The following C14orf39 variants were observed in gnomAD, a reference collection of about 807,000 sequenced individuals.
C14orf39 encodes the protein chromosome 14 open reading frame 39.
In C14orf39, 66 loss-of-function variants were observed where a neutral mutation model predicts 85.6. The observed-to-expected ratio is 0.77, with a 90% CI of 0.63 to 0.95. The LOEUF is 0.95. Ranked by LOEUF, C14orf39 falls within the 40% of genes least tolerant of loss-of-function variation. C14orf39 has a pLI of 0.00. For missense variants in C14orf39, 735 were observed against 663.9 expected, an observed-to-expected ratio of 1.11 and a Z score of -1.18; for synonymous variants, 242 against 214.0, an observed-to-expected ratio of 1.13 and a Z score of -1.14.
At chr14:60,452,680 G>T (rs1396843007) in intron 16 of C14orf39, among the ~76,000 whole-genome samples, 1 of 152,072 alleles carries the variant, frequency 6.6e-6, no homozygotes, top group Non-Finnish European at 1.5e-5. Context: ...AAGAATAAAT[G>T]TTTGAGGGGA....
chr14:60,464,737 C>T (rs1891702260), intron 11 of C14orf39, among the ~76,000 whole-genome samples: 2 of 151,882 alleles, frequency 1.3e-5, no homozygotes, highest in African/African-American at 2.4e-5. Context: ...AAGTTGTTTC[C>T]GCTCTTCTGC....
intron 15 of C14orf39, among the ~76,000 whole-genome samples, chr14:60,455,374 A>G (rs1891223407): frequency 6.6e-6 from 1 of 152,058 alleles, no homozygotes; most frequent in African/African-American, 2.4e-5. Context: ...ACCCTATGAA[A>G]TAGGTACTAT....
chr14:60,446,674 A>C (rs953376390), intron 16 of C14orf39, among the ~76,000 whole-genome samples: 3 of 152,208 alleles, frequency 2.0e-5, no homozygotes, highest in Admixed American at 6.5e-5. Context: ...ATAGAATAAA[A>C]GGGAATCCCC....
rs368844761 is a variant in C14orf39, at chr14:60,469,508, T to C, written c.675+25A>G. 9.9e-5 allele frequency: 107 copies of C among 1,085,338 alleles called. No individual in the cohort carries two copies. The African/African-American group carries it at 1.7e-3, about 17-fold the overall frequency. 67.2% of individuals were successfully genotyped at this position (1,085,338 alleles called of 1,614,324 possible). On this transcript the variant is annotated intron_variant, in intron 8 of 17. Coordinates refer to ENST00000321731, the MANE Select transcript of C14orf39 (RefSeq NM_174978.3). ...TATACTTATACATTAATACACATAT[T>C]AGAAATATATAACAAAATATATACC...
At chr14:60,487,856 C>T (rs1326648769), upstream of C14orf39, among the ~76,000 whole-genome samples, 2 of 152,066 alleles carry the variant, frequency 1.3e-5, no homozygotes, top group East Asian at 1.9e-4. Flanking sequence ...ATTTGCATTT[C>T]GCTATGATTA....
Position 60,467,029 on chromosome 14 carries a change from A to G in C14orf39, c.783T>C (p.Asp261=). ...TTTTATTCAATGTAAGTACATGCTC[A>G]TCTTTTCCAAAAATTCTAAAGAGAA... ...KELKERIFGK[D]EHVLTLNKTQ... The change falls in exon 10 of 18, where the codon GAT becomes GAC. Residue 261 remains aspartate (D), a synonymous_variant. Transcript: ENST00000321731. The G allele has an allele frequency of 7.4e-7, 1 of 1,357,692 alleles. No individual in the cohort carries two copies. The highest frequency in any genetic ancestry group is 1.8e-5 in the South Asian group (1 of 54,890). 84.1% of individuals were successfully genotyped at this position (1,357,692 alleles called of 1,614,324 possible).
At chr14:60,463,968 T>C (rs1336468500) in intron 11 of C14orf39, among the ~76,000 whole-genome samples, 2 of 152,174 alleles carry the variant, frequency 1.3e-5, no homozygotes, top group East Asian at 1.9e-4. Flanking sequence ...TTTCTCCTTG[T>C]GTTCTACTTT....
At chr14:60,448,580 G>C (rs373157490) in intron 16 of C14orf39, among the ~76,000 whole-genome samples, 65 of 152,300 alleles carry the variant, frequency 4.3e-4, no homozygotes, top group South Asian at 2.1e-3. Flanking sequence ...TACAGTGTTC[G>C]TGGGAGTGTA....
Position 60,484,267 on chromosome 14 carries a change from T to C in C14orf39, c.107-450A>G, listed in dbSNP as rs1892781118. On this transcript the variant is annotated intron_variant, in intron 3 of 17. Transcript: ENST00000321731. The surrounding 1 kb of genome is among the most constrained non-coding windows in gnomAD (Gnocchi z 4.2). The stretch of plus-strand genomic sequence containing the variant: ...ACTCACTTATTTCTGTTACTAGTGA[T>C]TAAATAGAAGATAAAATGGACATAA... Among the ~76,000 whole-genome samples the C allele has an allele frequency of 6.6e-6, 1 of 152,188 alleles. No individual in the cohort carries two copies. Among genetic ancestry groups the C allele is most frequent in the African/African-American group, 2.4e-5 (1 of 41,448 alleles).
In C14orf39 at chr14:60,448,960, C is replaced by T. The variant is rs183717499; in HGVS notation, c.1503+6041G>A. 3.9e-5 allele frequency among the ~76,000 whole-genome samples: 6 copies of T among 152,216 alleles called. No homozygotes were observed. The East Asian group carries it at 1.2e-3, about 29-fold the overall frequency. On this transcript the variant is annotated intron_variant, in intron 16 of 17. Transcript: ENST00000321731. Reference sequence around the variant, plus strand: ...GACAGAAAACCAAACACCGCATGTTCTCACTCATAGGTGGAAACTGAACAA... The same window carrying T: ...GACAGAAAACCAAACACCGCATGTTTTCACTCATAGGTGGAAACTGAACAA...
chr14:60,441,384 C>T (rs1049261345), intron 17 of C14orf39, among the ~76,000 whole-genome samples: 2 of 152,100 alleles, frequency 1.3e-5, no homozygotes, highest in East Asian at 1.9e-4. Context: ...AGTTGGTGAT[C>T]CTCTCAATGA....
chr14:60,497,623 C>T (rs1893086592), intron 2 of C14orf39, among the ~76,000 whole-genome samples: 1 of 152,198 alleles, frequency 6.6e-6, no homozygotes, highest in Admixed American at 6.5e-5. Flanking sequence ...CACCTGTAAT[C>T]CTAGTACTTT....
rs947814499 is a variant in C14orf39 at position 60,491,097 on chromosome 14, C to T, written c.-8-6011G>A. On this transcript the variant is annotated intron_variant, in intron 2 of 5. Transcript: ENST00000556799. This position sits in a 1 kb window ranked among gnomAD's most constrained non-coding sequence, Gnocchi z 4.5. ...TATCCTGAGTTCCAGACCCACGTATCTAATTGCTGACGTGATAAGCTATCT... is the reference window on the plus strand; with the variant it reads ...TATCCTGAGTTCCAGACCCACGTATTTAATTGCTGACGTGATAAGCTATCT... Among the ~76,000 whole-genome samples, 2 of 152,198 alleles carry T rather than the reference C, an allele frequency of 1.3e-5. No homozygotes were observed. Among genetic ancestry groups the T allele is most frequent in the South Asian group, 2.1e-4 (1 of 4,830 alleles).
At chr14:60,452,074 C>G (rs1410392614) in intron 16 of C14orf39, among the ~76,000 whole-genome samples, 1 of 149,994 alleles carries the variant, frequency 6.7e-6, no homozygotes, top group Non-Finnish European at 1.5e-5. Flanking sequence ...ATAGTCCCAG[C>G]TACTCGGGAG....
At chr14:60,504,957 T>A (rs921265996) in intron 1 of C14orf39, among the ~76,000 whole-genome samples, 1 of 152,232 alleles carries the variant, frequency 6.6e-6, no homozygotes, top group Non-Finnish European at 1.5e-5. Context: ...TTTAAACTTA[T>A]ACAAATTTCC....
At chr14:60,509,274 T>C (rs886319218) in intron 1 of C14orf39, 5 of 828,270 alleles carry the variant, frequency 6.0e-6, no homozygotes, top group African/African-American at 3.4e-5. Flanking sequence ...CGCCACCCGG[T>C]AGTGTGTCCC....
rs1772173041 is a variant in C14orf39 at position 60,441,940 on chromosome 14, A to G, written c.1561+134T>C. On this transcript the variant is annotated intron_variant, in intron 17 of 17. Coordinates refer to ENST00000321731, the MANE Select transcript of C14orf39 (RefSeq NM_174978.3). ...TTGCTTGAAAAAGAAAGAAAAGAATATCAGTGAGTAGTGCAGAAGTAACAG... is the reference window on the plus strand; with the variant it reads ...TTGCTTGAAAAAGAAAGAAAAGAATGTCAGTGAGTAGTGCAGAAGTAACAG... 5 of 582,758 alleles carry G rather than the reference A, an allele frequency of 8.6e-6. No homozygotes were observed. The East Asian group carries it at 1.1e-4, about 13-fold the overall frequency. 36.1% of individuals were successfully genotyped at this position (582,758 alleles called of 1,614,324 possible). A position where few individuals can be genotyped will look rare whatever the true frequency, so the allele number is the denominator to read the frequency against.
At chr14:60,437,746 A>G (rs963067337) in intron 17 of C14orf39, among the ~76,000 whole-genome samples, 7 of 152,042 alleles carry the variant, frequency 4.6e-5, no homozygotes, top group African/African-American at 9.7e-5. Flanking sequence ...GAGATACTGT[A>G]TAAGTTAAAC....
At chr14:60,496,314 A>T (rs1566687625) in intron 2 of C14orf39, 1 of 365,710 alleles carries the variant, frequency 2.7e-6, no homozygotes, top group Non-Finnish European at 5.4e-6. Flanking sequence ...AAGCTGATTC[A>T]TCATACCTTG....
Sources: allele counts gnomAD v4.1 joint callset (sites outside exome capture counted in the v4.1 genomes callset), GRCh38; gene constraint gnomAD v4.1.1; non-coding constraint Gnocchi (gnomAD v3.1); transcripts MANE v1.5; gene names NCBI Gene and HGNC (gene_info 2026-07-23, HGNC 2026-07-21).